The following COP1 variants were observed in gnomAD, a reference collection of about 807,000 sequenced individuals.
COP1 encodes COP1 E3 ubiquitin ligase, also known as E3 ubiquitin-protein ligase COP1.
COP1 carries 24 observed loss-of-function variants against 101.3 expected under a neutral mutation model. The observed-to-expected ratio is 0.24, with a 90% confidence interval of 0.17 to 0.33. COP1 has a LOEUF of 0.33. Among genes scored for constraint, COP1 ranks in the 10% least tolerant of loss-of-function variants. The pLI is 1.00. For missense variants in COP1, 663 were observed against 906.2 expected, an observed-to-expected ratio of 0.73 and a Z score of 3.45; for synonymous variants, 347 against 341.9, an observed-to-expected ratio of 1.01 and a Z score of -0.17.
chr1:176,091,386 A>C (rs959121911), intron 9 of COP1, among the ~76,000 whole-genome samples: 2 of 151,914 alleles, frequency 1.3e-5, no homozygotes, highest in East Asian at 1.9e-4. Flanking sequence ...GAAGTTGTGT[A>C]CTTGAATAAT....
intron 14 of COP1, among the ~76,000 whole-genome samples, chr1:176,032,842 G>A (rs773710081): frequency 5.9e-5 from 9 of 152,000 alleles, no homozygotes; most frequent in Non-Finnish European, 1.2e-4. Context: ...GAGATCCCTG[G>A]AGGCCATGAT....
intron 5 of COP1, 88 bp downstream of exon 5, chr1:176,162,781 T>C: frequency 8.9e-7 from 1 of 1,123,682 alleles, no homozygotes; most frequent in Non-Finnish European, 1.3e-6. Flanking sequence ...TTAGTGAAGC[T>C]ATCCTATTAT....
intron 6 of COP1, among the ~76,000 whole-genome samples, chr1:176,141,943 A>G: frequency 6.6e-6 from 1 of 152,082 alleles, no homozygotes; most frequent in East Asian, 1.9e-4. Flanking sequence ...TATATTGTCC[A>G]GGCTGGTCTT....
intron 15 of COP1, among the ~76,000 whole-genome samples, chr1:175,992,956 C>A (rs1035417251): frequency 6.6e-6 from 1 of 152,176 alleles, no homozygotes; most frequent in Non-Finnish European, 1.5e-5. Flanking sequence ...GGGTCCCTGA[C>A]CCCTGACCCC....
intron 5 of COP1, among the ~76,000 whole-genome samples, chr1:176,150,029 C>T (rs952507641): frequency 2.0e-5 from 3 of 152,164 alleles, no homozygotes; most frequent in Admixed American, 6.5e-5. Context: ...TTAAAACAGA[C>T]ACTGGGTCAG....
At chr1:176,118,314 A>G (rs1186749808) in intron 8 of COP1, among the ~76,000 whole-genome samples, 4 of 152,246 alleles carry the variant, frequency 2.6e-5, no homozygotes, top group Non-Finnish European at 1.5e-5. Context: ...CACATTTTCA[A>G]AAATAAATCA....
chr1:176,089,823 A>T (rs1680954899), intron 9 of COP1, among the ~76,000 whole-genome samples: 1 of 152,238 alleles, frequency 6.6e-6, no homozygotes, highest in South Asian at 2.1e-4. Context: ...GTCACGACAA[A>T]TAAAGAAGGA....
chr1:176,015,980 G>A (rs528813839), intron 15 of COP1, among the ~76,000 whole-genome samples: 43 of 152,178 alleles, frequency 2.8e-4, no homozygotes, highest in Non-Finnish European at 5.4e-4. Context: ...TCAATTTAAC[G>A]TGAAGAATGA....
intron 3 of COP1, among the ~76,000 whole-genome samples, chr1:176,169,128 A>C (rs1695645103): frequency 6.6e-6 from 1 of 152,198 alleles, no homozygotes; most frequent in Non-Finnish European, 1.5e-5. Context: ...CCATCAACTT[A>C]ATTAATATAA....
intron 15 of COP1, among the ~76,000 whole-genome samples, chr1:176,012,139 G>A (rs1664795626): frequency 6.6e-6 from 1 of 152,204 alleles, no homozygotes; most frequent in Non-Finnish European, 1.5e-5. Context: ...TGTTAACACT[G>A]TGCCTATGAA....
chr1:176,086,235 T>TC (rs1680126737), intron 9 of COP1, among the ~76,000 whole-genome samples: 2 of 149,870 alleles, frequency 1.3e-5, no homozygotes, highest in South Asian at 2.1e-4. Context: ...TTCTTTTTTT[T>TC]TTTTTTTTGA....
intron 15 of COP1, among the ~76,000 whole-genome samples, chr1:176,010,824 A>C (rs1414692400): frequency 6.6e-6 from 1 of 152,230 alleles, no homozygotes; most frequent in Non-Finnish European, 1.5e-5. Context: ...AAATACTTTA[A>C]GCCAACAAGA....
rs545115003 is a variant in COP1, at chr1:176,003,139, G to A, written c.1730-13660C>T. Among the ~76,000 whole-genome samples the A allele has an allele frequency of 1.4e-3, 217 of 152,036 alleles. 1 individual carries two copies. The highest frequency in any genetic ancestry group is 5.0e-3 in the African/African-American group (208 of 41,448). On this transcript the variant is annotated intron_variant, in intron 15 of 19. Transcript: ENST00000367669. ...TGAGCATTTTTTCATGTGTTTTTTGGCTGCATAAATGTCTTCTTTTGAGAA... is the reference window on the plus strand; with the variant it reads ...TGAGCATTTTTTCATGTGTTTTTTGACTGCATAAATGTCTTCTTTTGAGAA...
chr1:175,949,190 A>AAAAAAAAAAAAAG (rs1558152756), intron 18 of COP1, among the ~76,000 whole-genome samples: 2 of 146,192 alleles, frequency 1.4e-5, no homozygotes, highest in Non-Finnish European at 3.0e-5. Context: ...AAAAAAAAAA[A>AAAAAAAAAAAAAG]AATGAACATG....
chr1:175,993,122 C>T (rs1659078651), intron 15 of COP1, among the ~76,000 whole-genome samples: 1 of 152,176 alleles, frequency 6.6e-6, no homozygotes, highest in Non-Finnish European at 1.5e-5. Context: ...CTGCTGGGAC[C>T]CAGGCAAACA....
intron 18 of COP1, among the ~76,000 whole-genome samples, chr1:175,947,963 C>A (rs915017044): frequency 6.6e-6 from 1 of 152,158 alleles, no homozygotes; most frequent in Admixed American, 6.5e-5. Context: ...GTAAAACCTG[C>A]CAACATCCTT....
chr1:176,057,429 C>A (rs1248245407), intron 11 of COP1, among the ~76,000 whole-genome samples: 1 of 152,168 alleles, frequency 6.6e-6, no homozygotes, highest in South Asian at 2.1e-4. Flanking sequence ...CACTGCAACC[C>A]CCCTGCCTGA....
intron 15 of COP1, among the ~76,000 whole-genome samples, chr1:176,016,044 A>C (rs1272393024): frequency 2.0e-5 from 3 of 152,170 alleles, no homozygotes; most frequent in Non-Finnish European, 4.4e-5. Context: ...AAAGAAGATA[A>C]AGTAATGGGT....
chr1:176,111,130 C>A (rs933719225), intron 9 of COP1, among the ~76,000 whole-genome samples: 12 of 151,918 alleles, frequency 7.9e-5, no homozygotes, highest in Non-Finnish European at 1.8e-4. Flanking sequence ...CCAGCCTGGA[C>A]AACAGAGCGA....
Sources: allele counts gnomAD v4.1 joint callset (sites outside exome capture counted in the v4.1 genomes callset), GRCh38; gene constraint gnomAD v4.1.1; transcripts MANE v1.5; gene names NCBI Gene and HGNC (gene_info 2026-07-23, HGNC 2026-07-21).